TMEM63A: variants seen among roughly 807,000 people sequenced by gnomAD.
TMEM63A encodes transmembrane protein 63A.
A neutral mutation model predicts 100.6 loss-of-function variants in TMEM63A; 76 were observed. The observed-to-expected ratio is 0.76, with a 90% CI of 0.63 to 0.91. The LOEUF (loss-of-function observed/expected upper bound fraction) is 0.91, where lower values mean the gene tolerates loss of function less well. Ranked by LOEUF, TMEM63A falls within the 40% of genes least tolerant of loss-of-function variation. The probability of loss-of-function intolerance (pLI) is 0.00; values close to 1 mark genes in which losing one functional copy is unlikely to be tolerated. For missense variants in TMEM63A, 876 were observed against 1,008.8 expected, an observed-to-expected ratio of 0.87 and a Z score of 1.78; for synonymous variants, 401 against 401.1, an observed-to-expected ratio of 1.00 and a Z score of 0.00.
chr1:225,873,624 G>A (rs947156577), intron 4 of TMEM63A, among the ~76,000 whole-genome samples: 2 of 152,164 alleles, frequency 1.3e-5, no homozygotes, highest in African/African-American at 4.8e-5. Context: ...CCCTTCAGGC[G>A]ACATGAACAG....
At chr1:225,869,309 T>C (rs12081742) in intron 6 of TMEM63A, among the ~76,000 whole-genome samples, 5,603 of 152,332 alleles carry the variant, frequency 0.037, 322 homozygotes, top group African/African-American at 0.13. Flanking sequence ...ATATGAGTCC[T>C]GATTACTATT....
downstream of TMEM63A, among the ~76,000 whole-genome samples, chr1:225,844,835 G>A (rs1668798333): frequency 6.6e-6 from 1 of 152,158 alleles, no homozygotes; most frequent in Non-Finnish European, 1.5e-5. Flanking sequence ...GCGGCCCTCA[G>A]TACCGCTCCC....
intron 3 of TMEM63A, among the ~76,000 whole-genome samples, chr1:225,876,063 C>CAAAAA (rs532420561): frequency 3.0e-4 from 10 of 32,920 alleles, no homozygotes; most frequent in Admixed American, 6.0e-4. Flanking sequence ...GACCTTGTCT[C>CAAAAA]AAAAAAAAAA....
chr1:225,841,859 C>T (rs1469693195), downstream of TMEM63A, among the ~76,000 whole-genome samples: 1 of 152,188 alleles, frequency 6.6e-6, no homozygotes, highest in Non-Finnish European at 1.5e-5. Flanking sequence ...CTTTCTCACC[C>T]TCCCAAAGTG....
intron 15 of TMEM63A, among the ~76,000 whole-genome samples, chr1:225,857,710 T>C (rs1006548067): frequency 2.0e-5 from 3 of 151,930 alleles, no homozygotes; most frequent in Non-Finnish European, 2.9e-5. Context: ...TCGGCAAATA[T>C]CTAAATTCTT....
chr1:225,867,151 TACG>T lies in TMEM63A; in HGVS notation c.524_526del (p.Pro175_Tyr176delinsHis). 6.2e-7 allele frequency: 1 copy of T among 1,614,126 alleles called. No homozygotes were observed. The highest frequency in any genetic ancestry group is 8.5e-7 in the Non-Finnish European group (1 of 1,180,018). ...TGCTATTGTTGTCCTCCCAAAACTA[TACG>T]GGTCTTTGTCTGCAGAGAAGCACAG... On this transcript the variant is annotated inframe_deletion, in exon 8 of 25. Coordinates refer to ENST00000366835, the MANE Select transcript of TMEM63A (RefSeq NM_014698.3). The surrounding 1 kb of genome is among the most constrained non-coding windows in gnomAD (Gnocchi z 4.6).
chr1:225,857,084 C>T (rs1205434878), intron 15 of TMEM63A, 67 bp from the exon 16 acceptor site: 1 of 1,360,544 alleles, frequency 7.3e-7, no homozygotes, highest in Non-Finnish European at 9.8e-7. Context: ...GAGGCCATGA[C>T]CTATTGGTAT....
At chr1:225,858,427 C>A (rs1669756822) in intron 15 of TMEM63A, among the ~76,000 whole-genome samples, 1 of 150,060 alleles carries the variant, frequency 6.7e-6, no homozygotes, top group Non-Finnish European at 1.5e-5. Flanking sequence ...CCGGTTCAAG[C>A]GATTCTCCTG....
intron 6 of TMEM63A, among the ~76,000 whole-genome samples, chr1:225,869,479 A>T (rs1037094293): frequency 2.0e-5 from 3 of 152,124 alleles, no homozygotes; most frequent in Non-Finnish European, 4.4e-5. Flanking sequence ...CAAACCGAAC[A>T]TTTACAACAT....
downstream of TMEM63A, among the ~76,000 whole-genome samples, chr1:225,843,507 CAG>C (rs1056973812): frequency 7.9e-5 from 12 of 152,176 alleles, no homozygotes; most frequent in Admixed American, 2.0e-4. Flanking sequence ...CAGCAGGACA[CAG>C]GGGTTGATGG....
At chr1:225,881,943 G>T (rs1381719975) in intron 1 of TMEM63A, among the ~76,000 whole-genome samples, 2 of 152,162 alleles carry the variant, frequency 1.3e-5, no homozygotes, top group African/African-American at 4.8e-5. Flanking sequence ...TTCCCAGCCC[G>T]GCCTCGTATA....
At chr1:225,873,837 G>A (rs895884769) in intron 4 of TMEM63A, among the ~76,000 whole-genome samples, 4 of 152,150 alleles carry the variant, frequency 2.6e-5, no homozygotes, top group African/African-American at 9.7e-5. Flanking sequence ...AAATACTCAA[G>A]GTGAGAAAGA....
intron 6 of TMEM63A, among the ~76,000 whole-genome samples, chr1:225,870,116 G>T (rs168618): frequency 6.6e-6 from 1 of 151,712 alleles, no homozygotes; most frequent in East Asian, 2.0e-4. Flanking sequence ...TTGGGAGGCC[G>T]AGGCAGGCAG....
intron 3 of TMEM63A, among the ~76,000 whole-genome samples, chr1:225,875,133 C>G (rs1253509091): frequency 6.6e-6 from 1 of 152,228 alleles, no homozygotes; most frequent in Non-Finnish European, 1.5e-5. Flanking sequence ...CCCCTGAAGG[C>G]AGGCCCCGCA....
downstream of TMEM63A, among the ~76,000 whole-genome samples, chr1:225,843,899 C>G (rs1234528939): frequency 1.3e-5 from 2 of 152,172 alleles, no homozygotes; most frequent in Non-Finnish European, 2.9e-5. Context: ...TTCCCTTTAT[C>G]TCTGTCCCTG....
rs141420683 is a variant in TMEM63A at position 225,861,131 on chromosome 1, G to A, written c.1086-134C>T. On this transcript the variant is annotated intron_variant, in intron 13 of 24. Transcript: ENST00000366835. ...CTTTGTTGTGATTAGTGTATTATGAGTAACGCTATGTAAGAGGTGCCACGC... is the reference window on the plus strand; with the variant it reads ...CTTTGTTGTGATTAGTGTATTATGAATAACGCTATGTAAGAGGTGCCACGC... The A allele has an allele frequency of 8.5e-3, 8,567 of 1,010,048 alleles. 56 individuals carry two copies. Among genetic ancestry groups the A allele is most frequent in the Non-Finnish European group, 0.01 (7,283 of 718,960 alleles). The allele number at this position is 1,010,048 out of a possible 1,614,324, so 62.6% of individuals were successfully genotyped here.
intron 23 of TMEM63A, among the ~76,000 whole-genome samples, chr1:225,847,834 C>T (rs1455347676): frequency 6.6e-6 from 1 of 152,204 alleles, no homozygotes; most frequent in Admixed American, 6.5e-5. Context: ...GAGAGCCTGA[C>T]ACCTGGGAGG....
Position 225,874,291 on chromosome 1 carries a change from T to C in TMEM63A, c.263A>G (p.Asp88Gly). Reference sequence around the variant, plus strand: ...AGCCTAGGCGATATGTCTTTACCTGTCTGCTTCTGACACCAGGGCAATGCG... The same window carrying C: ...AGCCTAGGCGATATGTCTTTACCTGCCTGCTTCTGACACCAGGGCAATGCG... ...YGRIALVSEA[D>G]SESRFQRLSS... Residue 88 changes from aspartate to glycine, a missense_variant, in exon 4 of 25, where the codon GAC becomes GGC. Around this residue, in one of 5 missense-constraint regions of TMEM63A, gnomAD observed 487 missense variants for 581.9 expected, o/e 0.84. Transcript: ENST00000366835. 1 of 1,613,950 alleles carries C rather than the reference T, an allele frequency of 6.2e-7. No individual in the cohort carries two copies. Among genetic ancestry groups the C allele is most frequent in the Non-Finnish European group, 8.5e-7 (1 of 1,179,960 alleles).
At chr1:225,852,516 G>C (rs1303647592) in intron 20 of TMEM63A, 148 bp downstream of exon 20, 5 of 678,440 alleles carry the variant, frequency 7.4e-6, no homozygotes, top group Non-Finnish European at 1.3e-5. Flanking sequence ...GAAATCTGGT[G>C]TCACGTGAGT....
Sources: gnomAD v4.1 joint callset for allele counts (sites outside exome capture counted in the v4.1 genomes callset) on GRCh38, gnomAD v4.1.1 for gene constraint, gnomAD v4.1.1 regional missense constraint, Gnocchi (gnomAD v3.1) non-coding constraint, MANE v1.5 for transcripts, NCBI Gene and HGNC (gene_info 2026-07-23, HGNC 2026-07-21) for gene names.